Variants in ZNF16 observed in about 807,000 individuals in gnomAD.
The protein encoded by ZNF16 is zinc finger protein 16.
Under a neutral mutation model 9.0 loss-of-function variants are expected in ZNF16, and 7 were observed. The observed-to-expected ratio is 0.78, with a 90% CI of 0.44 to 1.47. The LOEUF (loss-of-function observed/expected upper bound fraction) is 1.47. ZNF16 is among the 40% of genes most tolerant of loss of function. ZNF16 has a pLI of 0.01. For missense variants in ZNF16, 830 were observed against 854.2 expected (o/e 0.97, Z 0.35); for synonymous variants, 312 against 301.5 (o/e 1.03, Z -0.36).
rs140229139 is a variant in ZNF16 at position 144,946,022 on chromosome 8, T to G, written c.185A>C (p.Tyr62Ser). The G allele has an allele frequency of 9.0e-5, 145 of 1,613,610 alleles. 2 individuals are homozygous for G. In the African/African-American group the frequency reaches 1.5e-3, roughly 17 times the overall value. ...DTELEAICPH[Y>S]QQPDCDTRTE... ...TGTTCTTAAAGTACCTGGCTGCTGA[T>G]AGTGAGGGCAGATGGCTTCCAGCTC... The change falls in exon 2 of 3, where the codon TAT (tyrosine) becomes TCT (serine). Residue 62 changes from tyrosine to serine, a missense_variant. Physicochemically the swap from Tyr to Ser is moderately radical, Grantham distance 144. Transcript: ENST00000394909.
intron 2 of ZNF16, among the ~76,000 whole-genome samples, chr8:144,936,479 G>A (rs1236578675): frequency 6.6e-6 from 1 of 152,146 alleles, no homozygotes; most frequent in Non-Finnish European, 1.5e-5. Flanking sequence ...TTATTTTTCA[G>A]AGTAGTTATG....
At chr8:144,939,075 G>A (rs991084449) in intron 2 of ZNF16, among the ~76,000 whole-genome samples, 1 of 151,982 alleles carries the variant, frequency 6.6e-6, no homozygotes, top group African/African-American at 2.4e-5. Context: ...CTTATATCCT[G>A]GGTTAAATCC....
intron 2 of ZNF16, among the ~76,000 whole-genome samples, chr8:144,934,014 C>T (rs1833618539): frequency 1.3e-5 from 2 of 152,238 alleles, no homozygotes; most frequent in African/African-American, 4.8e-5. Flanking sequence ...GCCCCTCCCA[C>T]CTTGCGGCGT....
At position 144,931,368 on chromosome 8, in the gene ZNF16, G is replaced by A. The variant is rs147916518; in HGVS notation, c.1419C>T (p.Ser473=). The A allele has an allele frequency of 3.7e-6, 6 of 1,614,182 alleles. No homozygotes were observed. In the African/African-American group the frequency reaches 6.7e-5, roughly 18 times the overall value. The change falls in exon 3 of 3, where the codon AGC becomes AGT. Residue 473 remains serine (S), a synonymous_variant. Transcript: ENST00000394909. ...CNVCGKAFSY[S]SVLRKHQIIH... ...TGATCTGGTGCTTTCGGAGCACTGA[G>A]CTATAACTAAAGGCTTTTCCACATA...
At position 144,931,435 on chromosome 8, in the gene ZNF16, T is replaced by C; in HGVS notation, c.1352A>G (p.His451Arg). 6.2e-7 allele frequency: 1 copy of C among 1,614,186 alleles called. No homozygotes were observed. Among genetic ancestry groups the C allele is most frequent in the Non-Finnish European group, 8.5e-7 (1 of 1,180,034 alleles). Residue 451 changes from histidine (H) to arginine (R), a missense_variant, in exon 3 of 3, where the codon CAT becomes CGT. Physicochemically the swap from His to Arg is conservative, Grantham distance 29. Coordinates refer to ENST00000394909, the MANE Select transcript of ZNF16 (RefSeq NM_006958.3). ...CTTTTCTCCAGTGTGAATTCTCCGA[T>C]GCTGAATAAGGCTGGAGCTCTGACT... The part of the protein sequence containing the change: ...AFSQSSSLIQ[H>R]RRIHTGEKPH...
rs902635711 is a variant in ZNF16, at chr8:144,945,876, G to A, written c.196+135C>T. On this transcript the variant is annotated intron_variant, in intron 2 of 2. Coordinates refer to ENST00000394909, the MANE Select transcript of ZNF16 (RefSeq NM_006958.3). ...AACTTCCTTGCTGACATCCAGCCTT[G>A]GCTCCTTGAGTCAGAGTACCCCGTC... The A allele has an allele frequency of 3.4e-6, 5 of 1,450,018 alleles. No individual in the cohort carries two copies. The African/African-American group carries it at 7.0e-5, about 20-fold the overall frequency. 89.8% of individuals were successfully genotyped at this position (1,450,018 alleles called of 1,614,324 possible). A position where few individuals can be genotyped will look rare whatever the true frequency, so the allele number is the denominator to read the frequency against.
rs376263284 is a variant in ZNF16, at chr8:144,932,583, G to A, written c.204C>T (p.Asp68=). 6.2e-7 allele frequency: 1 copy of A among 1,611,592 alleles called. No individual in the cohort carries two copies. Among genetic ancestry groups the A allele is most frequent in the Non-Finnish European group, 8.5e-7 (1 of 1,178,900 alleles). ...ICPHYQQPDC[D]TRTEDKEFLH... ...GAAACTCCTTGTCTTCAGTCCTGGT[G>A]TCACAATCTGAAACAATAAATAGAA... is the stretch of plus-strand genomic sequence containing the variant. The change falls in exon 3 of 3, where the codon GAC becomes GAT. Residue 68 remains aspartate (D), a synonymous_variant. Coordinates refer to ENST00000394909, the MANE Select transcript of ZNF16 (RefSeq NM_006958.3). This position sits in a 1 kb window ranked among gnomAD's most constrained non-coding sequence, Gnocchi z 5.0.
At position 144,946,536 on chromosome 8, in the gene ZNF16, GC is replaced by G. The variant is rs1427316193; in HGVS notation, c.-9-322del. On this transcript the variant is annotated intron_variant, in intron 1 of 2. Coordinates refer to ENST00000394909, the MANE Select transcript of ZNF16 (RefSeq NM_006958.3). ...CACAGGGTCTGTGTCCTGCTGTGGG[GC>G]CTGTGTACTGCTGTGGGGCCTGTAC... Among the ~76,000 whole-genome samples, 21 of 118,370 alleles carry G rather than the reference GC, an allele frequency of 1.8e-4. 1 individual carries two copies. The highest frequency in any genetic ancestry group is 5.2e-4 in the African/African-American group (17 of 32,582). The allele number at this position is 118,370 out of a possible 152,430, so 77.7% of individuals were successfully genotyped here.
chr8:144,937,120 C>CT lies in ZNF16; in HGVS notation c.197-4531dup, dbSNP rs1156867255. 8.3e-5 allele frequency among the ~76,000 whole-genome samples: 12 copies of CT among 144,148 alleles called. 1 individual carries two copies. The South Asian group carries it at 2.7e-3, about 33-fold the overall frequency. The allele number at this position is 144,148 out of a possible 152,430, so 94.6% of individuals were successfully genotyped here. A position where few individuals can be genotyped will look rare whatever the true frequency, so the allele number is the denominator to read the frequency against. ...AGATTTCCCCCCATTCTGCAGGATG[C>CT]TTTTTTCACTTTCTTTCTCTCTCTT... On this transcript the variant is annotated intron_variant, in intron 2 of 2. Coordinates refer to ENST00000394909, the MANE Select transcript of ZNF16 (RefSeq NM_006958.3).
rs145947359 is a variant in ZNF16, at chr8:144,937,138, TCTCTC to T, written c.197-4553_197-4549del. Reference sequence around the variant, plus strand: ...CAGGATGCTTTTTTCACTTTCTTTCTCTCTCTTTTTTTTTTTTTTTTTTTTTGAGA... The same window carrying T: ...CAGGATGCTTTTTTCACTTTCTTTCTTTTTTTTTTTTTTTTTTTTTTGAGA... On this transcript the variant is annotated intron_variant, in intron 2 of 2. Transcript: ENST00000394909. Among the ~76,000 whole-genome samples, 286 of 133,626 alleles carry T rather than the reference TCTCTC, an allele frequency of 2.1e-3. 2 individuals are homozygous for T. Among genetic ancestry groups the T allele is most frequent in the Middle Eastern group, 8.1e-3 (2 of 246 alleles). 87.7% of individuals were successfully genotyped at this position (133,626 alleles called of 152,430 possible). A position where few individuals can be genotyped will look rare whatever the true frequency, so the allele number is the denominator to read the frequency against.
chr8:144,934,815 G>A (rs918537281), intron 2 of ZNF16, among the ~76,000 whole-genome samples: 2 of 152,136 alleles, frequency 1.3e-5, no homozygotes, highest in East Asian at 1.9e-4. Flanking sequence ...ATACATTACG[G>A]CTGTATGATC....
In ZNF16 at chr8:144,946,521, G is replaced by GTATCC. The variant is rs1563925422; in HGVS notation, c.-9-307_-9-306insGGATA. Among the ~76,000 whole-genome samples, 17 of 133,458 alleles carry GTATCC rather than the reference G, an allele frequency of 1.3e-4. 1 individual carries two copies. Among genetic ancestry groups the GTATCC allele is most frequent in the African/African-American group, 4.6e-4 (16 of 34,630 alleles). The allele number at this position is 133,458 out of a possible 152,430, so 87.6% of individuals were successfully genotyped here. ...TAGGAGGGCAGCCCCCACAGGGTCT[G>GTATCC]TGTCCTGCTGTGGGGCCTGTGTACT... On this transcript the variant is annotated intron_variant, in intron 1 of 2. Coordinates refer to ENST00000394909, the MANE Select transcript of ZNF16 (RefSeq NM_006958.3).
chr8:144,942,536 C>T (rs1833829694), intron 2 of ZNF16, among the ~76,000 whole-genome samples: 3 of 152,060 alleles, frequency 2.0e-5, no homozygotes, highest in African/African-American at 7.2e-5. Flanking sequence ...GATCTGCCTG[C>T]CTTGGCCTCC....
At chr8:144,936,051 A>C (rs1360296805) in intron 2 of ZNF16, among the ~76,000 whole-genome samples, 1 of 151,892 alleles carries the variant, frequency 6.6e-6, no homozygotes, top group Non-Finnish European at 1.5e-5. Context: ...CCAAAGTAAA[A>C]CCTCTTACCC....
At chr8:144,936,668 C>A (rs1302626650) in intron 2 of ZNF16, among the ~76,000 whole-genome samples, 1 of 152,066 alleles carries the variant, frequency 6.6e-6, no homozygotes, top group African/African-American at 2.4e-5. Context: ...TGCTTGTTAG[C>A]CATTCATATG....
At chr8:144,949,331 C>G (rs1318887430) in intron 1 of ZNF16, among the ~76,000 whole-genome samples, 1 of 152,268 alleles carries the variant, frequency 6.6e-6, no homozygotes. Context: ...GAGCGAAACC[C>G]CCTTTCTCCC....
At position 144,931,953 on chromosome 8, in the gene ZNF16, T is replaced by C. The variant is rs3735787; in HGVS notation, c.834A>G (p.Ser278=). The change falls in exon 3 of 3, where the codon TCA becomes TCG. Residue 278 remains serine (S), a synonymous_variant. Coordinates refer to ENST00000394909, the MANE Select transcript of ZNF16 (RefSeq NM_006958.3). The stretch of plus-strand genomic sequence containing the variant: ...GGTGACTCTGATGCCTAGAAAAGTC[T>C]GAGTGCCCTCGGAAGGCTTTCCCAC... The part of the protein sequence containing the change: ...SECGKAFRGH[S]DFSRHQSHHS... 383,521 of 1,614,000 alleles carry C rather than the reference T, an allele frequency of 0.24. 47,097 individuals carry two copies. Among genetic ancestry groups the C allele is most frequent in the East Asian group, 0.35 (15,643 of 44,862 alleles).
intron 2 of ZNF16, among the ~76,000 whole-genome samples, chr8:144,937,045 A>G (rs937327579): frequency 1.3e-5 from 2 of 150,570 alleles, no homozygotes; most frequent in African/African-American, 2.4e-5. Flanking sequence ...GAGAAGTAAG[A>G]CTTCTTTATA....
rs550221042 is a variant in ZNF16 at position 144,948,490 on chromosome 8, G to A, written c.-9-2275C>T. On this transcript the variant is annotated intron_variant, in intron 1 of 2. Coordinates refer to ENST00000394909, the MANE Select transcript of ZNF16 (RefSeq NM_006958.3). ...TCGAGGGAAACCTCTCCCCATCCAA[G>A]TGGTGATGTAATAATCTGCAATATT... The A allele has an allele frequency of 1.2e-4, 18 of 152,316 alleles. 1 individual carries two copies. In the South Asian group the frequency reaches 3.5e-3, roughly 30 times the overall value. The allele number at this position is 152,316 out of a possible 1,614,324, so 9.4% of individuals were successfully genotyped here.
Sources: allele counts gnomAD v4.1 joint callset (sites outside exome capture counted in the v4.1 genomes callset), GRCh38; gene constraint gnomAD v4.1.1; non-coding constraint Gnocchi (gnomAD v3.1); transcripts MANE v1.5; gene names NCBI Gene and HGNC (gene_info 2026-07-23, HGNC 2026-07-21).